The following DNAAF9 variants were observed in gnomAD, a reference collection of about 807,000 sequenced individuals.
DNAAF9 encodes the protein shulin.
A neutral mutation model predicts 167.0 loss-of-function variants in DNAAF9; 90 were observed. The observed-to-expected ratio is 0.54, with a 90% CI of 0.45 to 0.64. The LOEUF (loss-of-function observed/expected upper bound fraction) is 0.64, where lower values mean the gene tolerates loss of function less well. DNAAF9 is among the 30% of genes least tolerant of loss of function. DNAAF9 has a pLI of 0.00. For synonymous variants in DNAAF9, 491 were observed against 508.8 expected, an observed-to-expected ratio of 0.96 and a Z score of 0.47; for missense variants, 1,315 against 1,442.2, an observed-to-expected ratio of 0.91 and a Z score of 1.43.
chr20:3,363,697 G>GAAAAC (rs542861746), intron 6 of DNAAF9, among the ~76,000 whole-genome samples: 21 of 151,254 alleles, frequency 1.4e-4, no homozygotes, highest in Non-Finnish European at 2.9e-4. Context: ...CCACAAAAAG[G>GAAAAC]AAAACAAAAC....
intron 8 of DNAAF9, among the ~76,000 whole-genome samples, chr20:3,347,227 A>C (rs2070209699): frequency 6.6e-6 from 1 of 152,222 alleles, no homozygotes; most frequent in Admixed American, 6.5e-5. Context: ...GCAAGCAAGA[A>C]GACACTGAAG....
At chr20:3,293,215 C>T (rs1340070746) in intron 25 of DNAAF9, among the ~76,000 whole-genome samples, 2 of 133,830 alleles carry the variant, frequency 1.5e-5, no homozygotes, top group East Asian at 4.8e-4. Context: ...ATCCCTTGAA[C>T]CTGGGAGGTG....
intron 1 of DNAAF9, among the ~76,000 whole-genome samples, chr20:3,383,498 C>A (rs2083691861): frequency 6.6e-6 from 1 of 151,832 alleles, no homozygotes; most frequent in South Asian, 2.1e-4. Context: ...GAACTCCTGA[C>A]CTCAGGTGAT....
At chr20:3,274,715 T>A (rs2068649558) in intron 29 of DNAAF9, among the ~76,000 whole-genome samples, 1 of 152,178 alleles carries the variant, frequency 6.6e-6, no homozygotes, top group Non-Finnish European at 1.5e-5. Flanking sequence ...AATCTATCAT[T>A]TCCACCACTA....
chr20:3,369,129 C>CA (rs35047918), intron 6 of DNAAF9, among the ~76,000 whole-genome samples: 60,791 of 133,624 alleles, frequency 0.45, 12,710 homozygotes, highest in Middle Eastern at 0.6. Flanking sequence ...AACTCTGTCT[C>CA]AAAAAAAAAA....
At position 3,386,297 on chromosome 20, in the gene DNAAF9, G is replaced by A. The variant is rs2083735995; in HGVS notation, c.84-3791C>T. On this transcript the variant is annotated intron_variant, in intron 1 of 36. Transcript: ENST00000252032. Reference sequence around the variant, plus strand: ...TAAGGGACAGACACATAAGTCAATGGAACAGATAGAGTAACCAGAAGCAGA... The same window carrying A: ...TAAGGGACAGACACATAAGTCAATGAAACAGATAGAGTAACCAGAAGCAGA... 2.6e-5 allele frequency among the ~76,000 whole-genome samples: 4 copies of A among 152,166 alleles called. No homozygotes were observed. In the South Asian group the frequency reaches 8.3e-4, roughly 31 times the overall value.
Position 3,270,520 on chromosome 20 carries a change from T to C in DNAAF9, c.2693A>G (p.Gln898Arg). The stretch of plus-strand genomic sequence containing the variant: ...CAGCTGAACAAGGAGAGGGTGCCGC[T>C]GCTCCGTGGTGTGACTGGTGAATAC... ...NVVFTSHTTE[Q>R]RHPLLVQLQS... Residue 898 changes from glutamine to arginine, a missense_variant, in exon 30 of 37, where the codon CAG (glutamine) becomes CGG (arginine). By Grantham distance (43) the Gln-to-Arg change is conservative. Transcript: ENST00000252032. The C allele has an allele frequency of 6.2e-7, 1 of 1,613,038 alleles. No individual in the cohort carries two copies. Among genetic ancestry groups the C allele is most frequent in the Non-Finnish European group, 8.5e-7 (1 of 1,179,464 alleles).
intron 6 of DNAAF9, among the ~76,000 whole-genome samples, chr20:3,367,565 G>A (rs2083446528): frequency 6.6e-6 from 1 of 152,030 alleles, no homozygotes; most frequent in African/African-American, 2.4e-5. Context: ...CCATTGTAGG[G>A]TTATTAATTG....
chr20:3,343,829 A>T, intron 8 of DNAAF9, 98 bp from the exon 9 acceptor site: 1 of 862,822 alleles, frequency 1.2e-6, no homozygotes, highest in Non-Finnish European at 1.9e-6. Flanking sequence ...ATGCTTCAGG[A>T]GAGTGCACAG....
At chr20:3,389,712 T>C (rs906811051) in intron 1 of DNAAF9, among the ~76,000 whole-genome samples, 1 of 151,494 alleles carries the variant, frequency 6.6e-6, no homozygotes, top group African/African-American at 2.4e-5. Context: ...AACAACAAAA[T>C]GCAATCTATG....
intron 26 of DNAAF9, among the ~76,000 whole-genome samples, chr20:3,289,555 T>C (rs1199154828): frequency 6.6e-6 from 1 of 152,192 alleles, no homozygotes. Context: ...GGTCTCACTC[T>C]GTTGCCCAGG....
chr20:3,337,732 C>T (rs2069990585), intron 10 of DNAAF9, among the ~76,000 whole-genome samples: 1 of 151,530 alleles, frequency 6.6e-6, no homozygotes, highest in African/African-American at 2.4e-5. Context: ...TACACTCTAT[C>T]CCTTTGTGTG....
chr20:3,341,816 C>T (rs959759046), intron 9 of DNAAF9, among the ~76,000 whole-genome samples: 10 of 152,018 alleles, frequency 6.6e-5, no homozygotes, highest in Admixed American at 2.6e-4. Context: ...CTTGCTCTGT[C>T]GCCCAGGCTG....
intron 1 of DNAAF9, among the ~76,000 whole-genome samples, chr20:3,389,621 T>C (rs373859933): frequency 8.1e-5 from 12 of 148,758 alleles, no homozygotes; most frequent in South Asian, 2.1e-4. Flanking sequence ...AAAAGAGAAA[T>C]AGTTTTTAAA....
intron 6 of DNAAF9, 151 bp from the exon 7 acceptor site, chr20:3,359,744 A>C (rs2083335295): frequency 1.7e-6 from 1 of 589,778 alleles, no homozygotes; most frequent in Admixed American, 3.5e-5. Flanking sequence ...TTTGCCCTAT[A>C]CATATTAATA....
At chr20:3,294,394 A>G in intron 24 of DNAAF9, 134 bp downstream of exon 24, 1 of 801,386 alleles carries the variant, frequency 1.2e-6, no homozygotes, top group South Asian at 1.6e-5. Flanking sequence ...AATTGTGTAC[A>G]GTGTGTTACT....
intron 7 of DNAAF9, among the ~76,000 whole-genome samples, chr20:3,353,374 G>A (rs904143354): frequency 2.0e-5 from 3 of 151,956 alleles, no homozygotes; most frequent in Non-Finnish European, 2.9e-5. Flanking sequence ...GACCGGGTGC[G>A]GTGGCTCATC....
intron 6 of DNAAF9, among the ~76,000 whole-genome samples, chr20:3,367,249 T>C (rs1360626452): frequency 6.6e-6 from 1 of 152,278 alleles, no homozygotes; most frequent in Non-Finnish European, 1.5e-5. Context: ...GGCTTTGCTC[T>C]GGATTAGGCT....
intron 20 of DNAAF9, 68 bp from the exon 21 acceptor site, chr20:3,304,611 T>C (rs112178423): frequency 2.8e-5 from 21 of 757,138 alleles, no homozygotes; most frequent in African/African-American, 8.8e-5. Flanking sequence ...CAATGTCCTC[T>C]TGTACAGCAG....
Sources: allele counts gnomAD v4.1 joint callset (sites outside exome capture counted in the v4.1 genomes callset), GRCh38; gene constraint gnomAD v4.1.1; transcripts MANE v1.5; gene names NCBI Gene and HGNC (gene_info 2026-07-23, HGNC 2026-07-21).